Variants in KCNIP1 observed in about 807,000 individuals in gnomAD.
KCNIP1 encodes potassium voltage-gated channel interacting protein 1.
In KCNIP1, 18 loss-of-function variants were observed where a neutral mutation model predicts 33.0. The observed-to-expected ratio is 0.55, with a 90% CI of 0.38 to 0.81. The LOEUF (loss-of-function observed/expected upper bound fraction) is 0.81, where lower values mean the gene tolerates loss of function less well. KCNIP1 is among the 30% of genes least tolerant of loss of function. KCNIP1 has a pLI of 0.00. For synonymous variants in KCNIP1, 93 were observed against 98.3 expected (o/e 0.95, Z 0.32); for missense variants, 238 against 271.6 (o/e 0.88, Z 0.87).
chr5:170,365,127 C>CA (rs1175798973), intron 1 of KCNIP1, among the ~76,000 whole-genome samples: 4 of 152,104 alleles, frequency 2.6e-5, no homozygotes, highest in African/African-American at 9.7e-5. Context: ...TCCCCAGCAC[C>CA]TGGTGCAGGG....
At chr5:170,428,267 G>T (rs558547106) in intron 1 of KCNIP1, among the ~76,000 whole-genome samples, 30 of 152,266 alleles carry the variant, frequency 2.0e-4, no homozygotes, top group African/African-American at 7.0e-4. Flanking sequence ...GCCACCTGAG[G>T]GTAAGGAACG....
At chr5:170,727,899 G>C (rs1410332401) in intron 5 of KCNIP1, among the ~76,000 whole-genome samples, 1 of 152,096 alleles carries the variant, frequency 6.6e-6, no homozygotes, top group Non-Finnish European at 1.5e-5. Context: ...CATAATCACT[G>C]CACCACACTC....
intron 1 of KCNIP1, among the ~76,000 whole-genome samples, chr5:170,379,989 A>C (rs969833282): frequency 6.6e-6 from 1 of 152,192 alleles, no homozygotes; most frequent in African/African-American, 2.4e-5. Flanking sequence ...CTAAATTTAA[A>C]ATTGAAAACC....
Position 170,590,627 on chromosome 5 carries a change from A to G in KCNIP1, c.61+85994A>G, listed in dbSNP as rs556069597. ...CACCTTCAGCCTCAGCTACCTCACC[A>G]CCTAACTGGGGAGGATTAACTATAA... On this transcript the variant is annotated intron_variant, in intron 1 of 7. Coordinates refer to ENST00000328939, the MANE Select transcript of KCNIP1 (RefSeq NM_014592.4). Among the ~76,000 whole-genome samples the G allele has an allele frequency of 3.9e-5, 6 of 152,270 alleles. No individual in the cohort carries two copies. In the East Asian group the frequency reaches 1.2e-3, roughly 29 times the overall value.
At position 170,718,837 on chromosome 5, in the gene KCNIP1, C is replaced by G; in HGVS notation, c.141C>G (p.Asn47Lys). The G allele has an allele frequency of 6.2e-7, 1 of 1,610,206 alleles. No homozygotes were observed. Among genetic ancestry groups the G allele is most frequent in the African/African-American group, 1.3e-5 (1 of 74,480 alleles). The change falls in exon 2 of 8, where the codon AAC becomes AAG. Residue 47 changes from asparagine to lysine, a missense_variant. Physicochemically the swap from Asn to Lys is moderately conservative, Grantham distance 94 (BLOSUM62 0). Transcript: ENST00000328939. The stretch of plus-strand genomic sequence containing the variant: ...TGGAGCAGCTCGAGGCCCAGACCAA[C>G]TTCACCAAGAGGGAGCTGCAGGTCC... ...EGLEQLEAQT[N>K]FTKRELQVLY... is the part of the protein sequence containing the mutation.
chr5:170,632,518 G>C (rs1760090674), intron 1 of KCNIP1, among the ~76,000 whole-genome samples: 1 of 152,248 alleles, frequency 6.6e-6, no homozygotes, highest in African/African-American at 2.4e-5. Flanking sequence ...AGATGAGGAG[G>C]AGCAGCGCGG....
intron 1 of KCNIP1, among the ~76,000 whole-genome samples, chr5:170,652,518 G>GA (rs1444043780): frequency 5.4e-5 from 7 of 129,140 alleles, no homozygotes; most frequent in South Asian, 2.8e-4. Flanking sequence ...AGGAAGGAAG[G>GA]AGAAAAGAAA....
At chr5:170,594,518 T>C (rs932870942) in intron 1 of KCNIP1, among the ~76,000 whole-genome samples, 1 of 152,154 alleles carries the variant, frequency 6.6e-6, no homozygotes, top group Non-Finnish European at 1.5e-5. Flanking sequence ...TCTTTTTTTT[T>C]ATTATTGTTT....
At chr5:170,514,726 C>T (rs1267981479) in intron 1 of KCNIP1, among the ~76,000 whole-genome samples, 1 of 152,174 alleles carries the variant, frequency 6.6e-6, no homozygotes, top group Non-Finnish European at 1.5e-5. Context: ...CTTGAGTGTG[C>T]CTGTGAGGTA....
intron 1 of KCNIP1, among the ~76,000 whole-genome samples, chr5:170,450,860 C>T (rs1180641626): frequency 6.6e-6 from 1 of 152,176 alleles, no homozygotes; most frequent in Admixed American, 6.5e-5. Context: ...ATCTCCCCTG[C>T]AAGGCCAGGG....
At chr5:170,701,488 C>G (rs1409103563) in intron 1 of KCNIP1, among the ~76,000 whole-genome samples, 1 of 152,308 alleles carries the variant, frequency 6.6e-6, no homozygotes, top group Middle Eastern at 3.4e-3. Context: ...AGCCTCAGAG[C>G]CCTGTGACCT....
intron 1 of KCNIP1, among the ~76,000 whole-genome samples, chr5:170,686,344 G>T (rs1220744189): frequency 6.6e-6 from 1 of 152,036 alleles, no homozygotes; most frequent in Non-Finnish European, 1.5e-5. Context: ...GGAAAGAGGT[G>T]AGAATGAGAG....
At chr5:170,709,608 T>C (rs1343938472) in intron 1 of KCNIP1, among the ~76,000 whole-genome samples, 1 of 152,236 alleles carries the variant, frequency 6.6e-6, no homozygotes, top group Non-Finnish European at 1.5e-5. Context: ...TTCTATTTTT[T>C]AATTTTTCAG....
At chr5:170,735,188 T>A (rs543619105) in intron 7 of KCNIP1, among the ~76,000 whole-genome samples, 2 of 152,376 alleles carry the variant, frequency 1.3e-5, no homozygotes, top group South Asian at 4.1e-4. Context: ...TGGGGGGTTT[T>A]CTTACTGTAT....
At chr5:170,568,789 C>T (rs1332998999) in intron 1 of KCNIP1, among the ~76,000 whole-genome samples, 1 of 151,916 alleles carries the variant, frequency 6.6e-6, no homozygotes, top group South Asian at 2.1e-4. Flanking sequence ...CACCACTGCA[C>T]TCCCGCCTGG....
At chr5:170,455,964 C>T (rs1002466687) in intron 1 of KCNIP1, among the ~76,000 whole-genome samples, 2 of 152,168 alleles carry the variant, frequency 1.3e-5, no homozygotes, top group East Asian at 3.9e-4. Flanking sequence ...ACTGGGTATA[C>T]ACCCAAAGGA....
At chr5:170,427,200 G>T (rs59212759) in intron 1 of KCNIP1, among the ~76,000 whole-genome samples, 7,926 of 152,302 alleles carry the variant, frequency 0.052, 299 homozygotes, top group East Asian at 0.16. Context: ...TTAAAGAGGT[G>T]CTGAGAGTCA....
At position 170,727,135 on chromosome 5, in the gene KCNIP1, T is replaced by A. The variant is rs1402318035; in HGVS notation, c.435+4315T>A. ...ATTACTCAGCAGTAAAAAGGAATGT[T>A]ATAGTTGCATGCAGCAATGTGTATG... On this transcript the variant is annotated intron_variant, in intron 5 of 7. Transcript: ENST00000328939. Among the ~76,000 whole-genome samples, 3 of 152,348 alleles carry A rather than the reference T, an allele frequency of 2.0e-5. No individual in the cohort carries two copies. The East Asian group carries it at 5.8e-4, about 29-fold the overall frequency.
intron 1 of KCNIP1, among the ~76,000 whole-genome samples, chr5:170,467,105 A>C (rs1756624168): frequency 6.6e-6 from 1 of 152,186 alleles, no homozygotes; most frequent in Non-Finnish European, 1.5e-5. Flanking sequence ...GGAGTTGACA[A>C]GCACAGTCAG....
Sources: allele counts gnomAD v4.1 joint callset (sites outside exome capture counted in the v4.1 genomes callset), GRCh38; gene constraint gnomAD v4.1.1; transcripts MANE v1.5; gene names NCBI Gene and HGNC (gene_info 2026-07-23, HGNC 2026-07-21).